Variants in FAM167A observed in about 807,000 individuals in gnomAD.
FAM167A encodes protein FAM167A.
FAM167A carries 23 observed loss-of-function variants against 14.9 expected under a neutral mutation model. That is an observed-to-expected ratio of 1.55 (90% confidence interval 1.11 to 2.19). The LOEUF (loss-of-function observed/expected upper bound fraction) is 2.19, where lower values mean the gene tolerates loss of function less well. Among genes scored for constraint, FAM167A ranks in the 30% most tolerant of loss-of-function variants. The pLI is 0.00. For synonymous variants in FAM167A, 174 were observed against 117.7 expected (o/e 1.48, Z -3.10); for missense variants, 401 against 281.5 (o/e 1.42, Z -3.04).
In FAM167A at chr8:11,424,698, G is replaced by A. The variant is rs538000985; in HGVS notation, c.382-62C>T. On this transcript the variant is annotated intron_variant, in intron 2 of 2. Coordinates refer to ENST00000284486, the MANE Select transcript of FAM167A (RefSeq NM_053279.3). ...GTGGCTCGAGTCCCTGACAGGCACA[G>A]ACTGGTTAGCAGGGCCCTGACTAAT... is the stretch of plus-strand genomic sequence containing the variant. The A allele has an allele frequency of 4.0e-5, 63 of 1,588,544 alleles. No individual in the cohort carries two copies. In the South Asian group the frequency reaches 6.3e-4, roughly 16 times the overall value.
upstream of FAM167A, among the ~76,000 whole-genome samples, chr8:11,469,396 A>T (rs1807885284): frequency 6.6e-6 from 1 of 152,200 alleles, no homozygotes; most frequent in African/African-American, 2.4e-5. Context: ...CTTTTGTGTC[A>T]GGCACACTGA....
At chr8:11,454,359 C>T (rs1161273061) in intron 1 of FAM167A, among the ~76,000 whole-genome samples, 5 of 152,256 alleles carry the variant, frequency 3.3e-5, no homozygotes, top group Admixed American at 6.5e-5. Context: ...CTGATTCCTC[C>T]GTCAACACCT....
intron 2 of FAM167A, among the ~76,000 whole-genome samples, chr8:11,439,419 C>T (rs1806285401): frequency 6.6e-6 from 1 of 152,218 alleles, no homozygotes; most frequent in African/African-American, 2.4e-5. Flanking sequence ...CTTGTGCATA[C>T]CAAGCAGGCA....
rs111631089 is a variant in FAM167A, at chr8:11,444,434, G to A, written c.-23C>T. ...CATTCTACAGTCTGCCCTGGCAGCC[G>A]GACATGCGAGGGCACGGGGGGCGCA... On this transcript the variant is annotated 5_prime_UTR_variant, in exon 2 of 3. Coordinates refer to ENST00000284486, the MANE Select transcript of FAM167A (RefSeq NM_053279.3). 6.8e-3 allele frequency: 10,303 copies of A among 1,516,574 alleles called. 63 individuals are homozygous for A. Among genetic ancestry groups the A allele is most frequent in the Non-Finnish European group, 8.2e-3 (9,237 of 1,132,858 alleles). 93.9% of individuals were successfully genotyped at this position (1,516,574 alleles called of 1,614,324 possible). A position where few individuals can be genotyped will look rare whatever the true frequency, so the allele number is the denominator to read the frequency against.
At chr8:11,453,367 C>A (rs1404833696) in intron 1 of FAM167A, among the ~76,000 whole-genome samples, 2 of 152,222 alleles carry the variant, frequency 1.3e-5, no homozygotes, top group African/African-American at 4.8e-5. Context: ...CACTGTCAAG[C>A]TGCTAATATG....
chr8:11,425,130 T>A, intron 2 of FAM167A, among the ~76,000 whole-genome samples: 1 of 151,586 alleles, frequency 6.6e-6, no homozygotes, highest in East Asian at 1.9e-4. Flanking sequence ...CGTTTTAGAA[T>A]GCCTGAAATA....
At chr8:11,438,097 G>A in intron 2 of FAM167A, 3 of 456,402 alleles carry the variant, frequency 6.6e-6, no homozygotes, top group South Asian at 1.6e-5. Context: ...CCCCACCCCA[G>A]CACGGAAGCC....
At chr8:11,453,771 C>G (rs1235668638) in intron 1 of FAM167A, among the ~76,000 whole-genome samples, 1 of 152,052 alleles carries the variant, frequency 6.6e-6, no homozygotes, top group African/African-American at 2.4e-5. Flanking sequence ...TGACGCTGGC[C>G]ACTCCACAGC....
chr8:11,470,288 G>A (rs536073846), upstream of FAM167A, among the ~76,000 whole-genome samples: 4 of 152,232 alleles, frequency 2.6e-5, no homozygotes, highest in South Asian at 2.1e-4. Context: ...TGAGGGAGAC[G>A]ATGGAGGGGG....
At chr8:11,424,792 CAG>C (rs1805021364) in intron 2 of FAM167A, among the ~76,000 whole-genome samples, 156 bp from the exon 3 acceptor site, 1 of 151,956 alleles carries the variant, frequency 6.6e-6, no homozygotes, top group African/African-American at 2.4e-5. Flanking sequence ...TGAAAAGACA[CAG>C]AAAGCAAGGT....
At chr8:11,441,270 C>T (rs1314138146) in intron 2 of FAM167A, among the ~76,000 whole-genome samples, 1 of 152,220 alleles carries the variant, frequency 6.6e-6, no homozygotes, top group Non-Finnish European at 1.5e-5. Flanking sequence ...CTGGGTCTGT[C>T]CTCTCAGGTC....
At chr8:11,432,050 G>T (rs1805641614) in intron 2 of FAM167A, among the ~76,000 whole-genome samples, 1 of 152,016 alleles carries the variant, frequency 6.6e-6, no homozygotes, top group African/African-American at 2.4e-5. Context: ...GCATTTTTGT[G>T]GAATTTGCAT....
At chr8:11,435,222 C>G (rs1433041729) in intron 2 of FAM167A, 1 of 428,972 alleles carries the variant, frequency 2.3e-6, no homozygotes, top group Non-Finnish European at 4.7e-6. Flanking sequence ...CCCTTCTCCA[C>G]CTGTCACCCT....
At chr8:11,443,851 C>T in intron 2 of FAM167A, 180 bp downstream of exon 2, 1 of 749,252 alleles carries the variant, frequency 1.3e-6, no homozygotes, top group Non-Finnish European at 2.1e-6. Context: ...TCCCCCCAGC[C>T]ACATACAAAT....
chr8:11,438,446 G>T (rs1347343695), intron 2 of FAM167A: 2 of 457,162 alleles, frequency 4.4e-6, no homozygotes, highest in African/African-American at 4.0e-5. Context: ...GAGATTCTAT[G>T]CTACAGAAGT....
intron 2 of FAM167A, among the ~76,000 whole-genome samples, chr8:11,431,492 T>C (rs576286462): frequency 2.0e-5 from 3 of 152,218 alleles, no homozygotes; most frequent in Non-Finnish European, 4.4e-5. Context: ...TGTGAATATA[T>C]TTAGTGAACT....
Position 11,424,084 on chromosome 8 carries a change from G to T in FAM167A, c.*289C>A, listed in dbSNP as rs1317542597. 5 of 370,334 alleles carry T rather than the reference G, an allele frequency of 1.4e-5. No individual in the cohort carries two copies. The highest frequency in any genetic ancestry group is 2.5e-5 in the Non-Finnish European group (5 of 201,428). 22.9% of individuals were successfully genotyped at this position (370,334 alleles called of 1,614,324 possible). A position where few individuals can be genotyped will look rare whatever the true frequency, so the allele number is the denominator to read the frequency against. On this transcript the variant is annotated 3_prime_UTR_variant, in exon 3 of 3. Transcript: ENST00000284486. ...AGGAAACAGGAACGTGACCGTGGAG[G>T]GATGGATTATGGTGGGAACCCAGGT...
chr8:11,463,788 C>G (rs1807636930), intron 1 of FAM167A, among the ~76,000 whole-genome samples: 1 of 152,234 alleles, frequency 6.6e-6, no homozygotes, highest in Non-Finnish European at 1.5e-5. Flanking sequence ...CCCTCATCCT[C>G]TTCAGGTTTC....
At chr8:11,463,084 C>A (rs961709175) in intron 1 of FAM167A, among the ~76,000 whole-genome samples, 3 of 152,142 alleles carry the variant, frequency 2.0e-5, no homozygotes, top group African/African-American at 7.2e-5. Flanking sequence ...GGACTTGTTT[C>A]AGGTAAATAT....
Sources: gnomAD v4.1 joint callset for allele counts (sites outside exome capture counted in the v4.1 genomes callset) on GRCh38, gnomAD v4.1.1 for gene constraint, MANE v1.5 for transcripts, NCBI Gene and HGNC (gene_info 2026-07-23, HGNC 2026-07-21) for gene names.